The following PRKG1 variants were observed in gnomAD, a reference collection of about 807,000 sequenced individuals.
PRKG1 encodes the protein protein kinase cGMP-dependent 1.
Under a neutral mutation model 88.1 loss-of-function variants are expected in PRKG1, and 35 were observed. The ratio of observed to expected loss-of-function variants is 0.40; its 90% confidence interval spans 0.30 to 0.53. The LOEUF (loss-of-function observed/expected upper bound fraction) is 0.53, where lower values mean the gene tolerates loss of function less well. Ranked by LOEUF, PRKG1 falls within the 20% of genes least tolerant of loss-of-function variation. The pLI is 0.59. For missense variants in PRKG1, 540 were observed against 839.8 expected (o/e 0.64, Z 4.41); for synonymous variants, 303 against 292.5 (o/e 1.04, Z -0.37).
chr10:51,907,729 C>T (rs1842117990), intron 5 of PRKG1, 159 bp downstream of exon 5: 1 of 528,606 alleles, frequency 1.9e-6, no homozygotes, highest in East Asian at 3.0e-5. Context: ...TAGAAAGCAG[C>T]TTATCATGTC....
At chr10:51,284,793 C>A (rs1443435447) in intron 2 of PRKG1, among the ~76,000 whole-genome samples, 1 of 147,312 alleles carries the variant, frequency 6.8e-6, no homozygotes, top group Non-Finnish European at 1.5e-5. Flanking sequence ...TGTAACCATG[C>A]AGTTGAATAT....
intron 7 of PRKG1, among the ~76,000 whole-genome samples, chr10:52,075,356 T>A (rs1846602769): frequency 6.6e-6 from 1 of 152,194 alleles, no homozygotes; most frequent in Admixed American, 6.5e-5. Flanking sequence ...CCAATCAAAA[T>A]GTTACTAAGA....
chr10:51,202,546 A>C (rs774074087), intron 2 of PRKG1, among the ~76,000 whole-genome samples: 3 of 152,202 alleles, frequency 2.0e-5, no homozygotes, highest in Non-Finnish European at 4.4e-5. Context: ...ATACACACAC[A>C]CAAAAAAAGA....
At chr10:51,374,093 A>AAAAAAAATATAT in intron 2 of PRKG1, among the ~76,000 whole-genome samples, 4 of 100,144 alleles carry the variant, frequency 4.0e-5, no homozygotes, top group African/African-American at 1.4e-4. Context: ...AAAAAAAAAA[A>AAAAAAAATATAT]ATATATATAT....
chr10:52,034,449 G>T (rs1845553450), intron 5 of PRKG1, among the ~76,000 whole-genome samples: 1 of 150,578 alleles, frequency 6.6e-6, no homozygotes, highest in Non-Finnish European at 1.5e-5. Flanking sequence ...AGAATGATTG[G>T]TGATGGCCTA....
chr10:51,216,686 C>T (rs1838380280), intron 2 of PRKG1, among the ~76,000 whole-genome samples: 1 of 152,070 alleles, frequency 6.6e-6, no homozygotes, highest in African/African-American at 2.4e-5. Flanking sequence ...CTTGAGAATT[C>T]CACAGAGGTC....
At chr10:52,270,817 A>G (rs978875795) in intron 10 of PRKG1, among the ~76,000 whole-genome samples, 1 of 151,978 alleles carries the variant, frequency 6.6e-6, no homozygotes, top group South Asian at 2.1e-4. Flanking sequence ...ACATGTATAC[A>G]TATGTAACAA....
intron 4 of PRKG1, among the ~76,000 whole-genome samples, chr10:51,864,305 A>C (rs1840961468): frequency 6.6e-6 from 1 of 152,216 alleles, no homozygotes; most frequent in Non-Finnish European, 1.5e-5. Flanking sequence ...TGCCCATCAG[A>C]GTAGCTGGAG....
chr10:51,195,177 C>G (rs1309531678), intron 2 of PRKG1, among the ~76,000 whole-genome samples: 1 of 152,148 alleles, frequency 6.6e-6, no homozygotes, highest in Non-Finnish European at 1.5e-5. Flanking sequence ...AAGTTCAGTT[C>G]TAATAAATCC....
intron 3 of PRKG1, among the ~76,000 whole-genome samples, chr10:51,653,266 A>AT (rs1411258062): frequency 2.0e-5 from 3 of 151,800 alleles, no homozygotes; most frequent in Admixed American, 1.3e-4. Flanking sequence ...TCTATTTTTA[A>AT]TTTTTTTTAG....
chr10:51,347,858 G>A (rs1270303078), intron 2 of PRKG1, among the ~76,000 whole-genome samples: 1 of 151,858 alleles, frequency 6.6e-6, no homozygotes, highest in African/African-American at 2.4e-5. Context: ...TCAGGAGATC[G>A]AGACCATCCT....
intron 2 of PRKG1, among the ~76,000 whole-genome samples, chr10:51,226,565 A>G (rs192327661): frequency 6.6e-6 from 1 of 152,322 alleles, no homozygotes; most frequent in African/African-American, 2.4e-5. Context: ...CAATTTGATG[A>G]AAACTTTGGT....
chr10:51,577,013 ACTATC>A (rs1474980848), intron 3 of PRKG1, among the ~76,000 whole-genome samples: 2 of 152,016 alleles, frequency 1.3e-5, no homozygotes, highest in African/African-American at 4.8e-5. Flanking sequence ...AAAAAATAGA[ACTATC>A]ATACTTGGAT....
At chr10:52,035,515 TAAA>T (rs1845585305) in intron 5 of PRKG1, among the ~76,000 whole-genome samples, 1 of 152,064 alleles carries the variant, frequency 6.6e-6, no homozygotes, top group African/African-American at 2.4e-5. Flanking sequence ...CCGCCAACAA[TAAA>T]TCAAGCGTGA....
At chr10:52,019,254 T>C (rs980029605) in intron 5 of PRKG1, among the ~76,000 whole-genome samples, 2 of 152,148 alleles carry the variant, frequency 1.3e-5, no homozygotes, top group African/African-American at 4.8e-5. Flanking sequence ...ATTTTCAACA[T>C]TGGGGATCAA....
intron 3 of PRKG1, among the ~76,000 whole-genome samples, chr10:51,686,510 A>C (rs1840994770): frequency 6.6e-6 from 1 of 152,216 alleles, no homozygotes; most frequent in Non-Finnish European, 1.5e-5. Flanking sequence ...ACAGGCACTA[A>C]CTAGGGGAAA....
intron 2 of PRKG1, among the ~76,000 whole-genome samples, chr10:51,300,141 G>A (rs946944910): frequency 4.6e-5 from 7 of 152,112 alleles, no homozygotes; most frequent in South Asian, 2.1e-4. Context: ...TCACTATTTC[G>A]TCTATTTGAA....
intron 5 of PRKG1, among the ~76,000 whole-genome samples, chr10:52,002,755 A>G (rs191875409): frequency 3.2e-4 from 48 of 152,312 alleles, no homozygotes; most frequent in African/African-American, 1.1e-3. Flanking sequence ...TATGCTGTTC[A>G]TGTAAATACT....
chr10:51,027,663 T>A (rs780656871), intron 1 of PRKG1, among the ~76,000 whole-genome samples: 2 of 152,188 alleles, frequency 1.3e-5, no homozygotes, highest in Non-Finnish European at 2.9e-5. Context: ...TAAAAACATG[T>A]AAGAAAATCT....
Sources: gnomAD v4.1 joint callset for allele counts (sites outside exome capture counted in the v4.1 genomes callset) on GRCh38, gnomAD v4.1.1 for gene constraint, MANE v1.5 for transcripts, NCBI Gene and HGNC (gene_info 2026-07-23, HGNC 2026-07-21) for gene names.